Variants in NUP155 observed in about 807,000 individuals in gnomAD.
The protein encoded by NUP155 is nuclear pore complex protein Nup155.
NUP155 carries 71 observed loss-of-function variants against 180.4 expected under a neutral mutation model. The observed-to-expected ratio is 0.39, with a 90% CI of 0.33 to 0.48. The LOEUF is 0.48. Among genes scored for constraint, NUP155 ranks in the 20% least tolerant of loss-of-function variants. The probability of loss-of-function intolerance (pLI) is 0.91; values close to 1 mark genes in which losing one functional copy is unlikely to be tolerated. For missense variants in NUP155, 1,553 were observed against 1,648.9 expected (o/e 0.94, Z 1.01); for synonymous variants, 582 against 559.5 (o/e 1.04, Z -0.57).
intron 6 of NUP155, 91 bp downstream of exon 6, chr5:37,351,099 T>C (rs1043429336): frequency 2.0e-6 from 2 of 985,244 alleles, no homozygotes; most frequent in Admixed American, 4.2e-5. Flanking sequence ...AATATATTAA[T>C]GTCCTTATAT....
intron 13 of NUP155, among the ~76,000 whole-genome samples, chr5:37,332,947 C>T (rs1325403077): frequency 6.6e-6 from 1 of 150,798 alleles, no homozygotes; most frequent in African/African-American, 2.4e-5. Context: ...CAGATTAAGA[C>T]CTTGTCTAAA....
At chr5:37,331,207 A>G (rs1744939687) in intron 14 of NUP155, among the ~76,000 whole-genome samples, 1 of 151,964 alleles carries the variant, frequency 6.6e-6, no homozygotes, top group African/African-American at 2.4e-5. Context: ...TCACTACAAG[A>G]CTCATATTAA....
rs1275084501 is a variant in NUP155 at position 37,331,732 on chromosome 5, C to A, written c.1582G>T (p.Val528Leu). The change falls in exon 14 of 35, where the codon GTG becomes TTG. Residue 528 changes from valine to leucine, a missense_variant. Transcript: ENST00000231498. The stretch of plus-strand genomic sequence containing the variant: ...TCAATCTCTTCTCCATCTCCTCCCA[C>A]ATTACTCACAAGTAGATGCCTCAGT... ...DQLRHLLVSN[V>L]GGDGEEIERF... 6.2e-7 allele frequency: 1 copy of A among 1,611,212 alleles called. No individual in the cohort carries two copies. Among genetic ancestry groups the A allele is most frequent in the South Asian group, 1.1e-5 (1 of 91,036 alleles).
At position 37,333,513 on chromosome 5, in the gene NUP155, C is replaced by T. The variant is rs986689226; in HGVS notation, c.1468G>A (p.Val490Ile). The T allele has an allele frequency of 1.9e-6, 3 of 1,614,014 alleles. No homozygotes were observed. Among genetic ancestry groups the T allele is most frequent in the Non-Finnish European group, 2.5e-6 (3 of 1,179,932 alleles). The stretch of plus-strand genomic sequence containing the variant: ...TTCGGAGGTAACATGTGCTGCTGTA[C>T]AACAACTGGTGAATCAGTTATTGGA... ...HIPITDSPVVVQQHMLPPKKF... is the reference protein window; with the variant it reads ...HIPITDSPVVIQQHMLPPKKF... The change falls in exon 13 of 35, where the codon GTA becomes ATA. Residue 490 changes from valine to isoleucine, a missense_variant. Physicochemically the swap from Val to Ile is conservative, Grantham distance 29 (BLOSUM62 3). Transcript: ENST00000231498.
chr5:37,296,081 C>T (rs1426757813), intron 32 of NUP155, among the ~76,000 whole-genome samples: 4 of 150,702 alleles, frequency 2.7e-5, no homozygotes, highest in Admixed American at 1.3e-4. Flanking sequence ...CCCGGCCAGC[C>T]GCCCCGTCCG....
At chr5:37,357,092 G>A (rs1164721841) in intron 4 of NUP155, among the ~76,000 whole-genome samples, 2 of 152,080 alleles carry the variant, frequency 1.3e-5, no homozygotes, top group East Asian at 3.9e-4. Flanking sequence ...GGGCAACAGA[G>A]CGAGACTCTG....
intron 21 of NUP155, among the ~76,000 whole-genome samples, chr5:37,315,265 A>C (rs1169599120): frequency 2.0e-5 from 3 of 152,210 alleles, no homozygotes; most frequent in Non-Finnish European, 4.4e-5. Context: ...TATCACGGCC[A>C]GAAAAAGTAA....
rs547170866 is a variant in NUP155 at position 37,291,835 on chromosome 5, A to AT, written c.*64dup. On this transcript the variant is annotated 3_prime_UTR_variant, in exon 35 of 35. Coordinates refer to ENST00000231498, the MANE Select transcript of NUP155 (RefSeq NM_153485.3). ...TACATTCTTAGATTTAGAACACCTGATATCTGGACCCAGCTGAGTTTTTAT... is the reference window on the plus strand; with the variant it reads ...TACATTCTTAGATTTAGAACACCTGATTATCTGGACCCAGCTGAGTTTTTAT... 1.7e-4 allele frequency: 248 copies of AT among 1,453,258 alleles called. No homozygotes were observed. The highest frequency in any genetic ancestry group is 1.3e-4 in the Non-Finnish European group (139 of 1,035,164). 90.0% of individuals were successfully genotyped at this position (1,453,258 alleles called of 1,614,324 possible).
chr5:37,328,432 A>G lies in NUP155; in HGVS notation c.1814-12T>C. ...AGGAACAGGAGAACCTAAAAAGGGA[A>G]AGAAGAATATAAAGATTTAGAAAAG... On this transcript the variant is annotated splice_polypyrimidine_tract_variant and intron_variant, in intron 16 of 34. Coordinates refer to ENST00000231498, the MANE Select transcript of NUP155 (RefSeq NM_153485.3). The G allele has an allele frequency of 3.2e-6, 5 of 1,560,080 alleles. No individual in the cohort carries two copies. The highest frequency in any genetic ancestry group is 4.4e-6 in the Non-Finnish European group (5 of 1,131,266).
rs776021507 is a variant in NUP155, at chr5:37,302,763, G to A, written c.3447+16C>T. The A allele has an allele frequency of 2.0e-5, 32 of 1,613,272 alleles. No individual in the cohort carries two copies. Among genetic ancestry groups the A allele is most frequent in the Non-Finnish European group, 2.6e-5 (31 of 1,179,582 alleles). On this transcript the variant is annotated intron_variant, in intron 29 of 34. Coordinates refer to ENST00000231498, the MANE Select transcript of NUP155 (RefSeq NM_153485.3). Reference sequence around the variant, plus strand: ...AGTACTCAATGTGGACACAGCTTAAGATCTTTAGCACTTACCTCCATTTTT... The same window carrying A: ...AGTACTCAATGTGGACACAGCTTAAAATCTTTAGCACTTACCTCCATTTTT...
intron 21 of NUP155, among the ~76,000 whole-genome samples, chr5:37,315,219 G>A (rs1460721441): frequency 2.6e-5 from 4 of 152,108 alleles, no homozygotes; most frequent in African/African-American, 7.2e-5. Flanking sequence ...GCGAAAAAGC[G>A]AGACTCCATC....
chr5:37,368,187 G>A (rs1184947351), intron 1 of NUP155, among the ~76,000 whole-genome samples: 1 of 146,868 alleles, frequency 6.8e-6, no homozygotes, highest in Non-Finnish European at 1.5e-5. Flanking sequence ...TAGGATTACA[G>A]GCATGAGGCA....
At chr5:37,358,051 T>C (rs368453146) in intron 4 of NUP155, 30 bp downstream of exon 4, 66 of 1,487,374 alleles carry the variant, frequency 4.4e-5, no homozygotes, top group Non-Finnish European at 5.8e-5. Flanking sequence ...TATACAAACA[T>C]AATCTCTTCC....
At chr5:37,299,113 G>C in intron 31 of NUP155, 135 bp from the exon 32 acceptor site, 1 of 707,326 alleles carries the variant, frequency 1.4e-6, no homozygotes, top group South Asian at 1.6e-5. Flanking sequence ...AACAGATTTG[G>C]TGTTTCTGTT....
Position 37,325,768 on chromosome 5 carries a change from CAAAAAAAAAA to C in NUP155, c.2091+123_2091+132del, listed in dbSNP as rs58741619. 4 of 361,126 alleles carry C rather than the reference CAAAAAAAAAA, an allele frequency of 1.1e-5. No individual in the cohort carries two copies. In the African/African-American group the frequency reaches 1.2e-4, roughly 11 times the overall value. 22.4% of individuals were successfully genotyped at this position (361,126 alleles called of 1,614,324 possible). On this transcript the variant is annotated intron_variant, in intron 19 of 34. Coordinates refer to ENST00000231498, the MANE Select transcript of NUP155 (RefSeq NM_153485.3). ...TGGGAGACAGAGCAGGACTCTGTCT[CAAAAAAAAAA>C]AAAAAAAAAAAAATAACCTTTGCCA...
chr5:37,333,659 T>C (rs369536807), intron 12 of NUP155, 26 bp from the exon 13 acceptor site: 11 of 1,583,180 alleles, frequency 6.9e-6, no homozygotes, highest in Non-Finnish European at 9.5e-6. Context: ...AAATGTTTTA[T>C]ACATCATATT....
rs759024955 is a variant in NUP155 at position 37,351,356 on chromosome 5, C to T, written c.557G>A (p.Gly186Asp). 26 of 1,608,232 alleles carry T rather than the reference C, an allele frequency of 1.6e-5. No homozygotes were observed. Among genetic ancestry groups the T allele is most frequent in the Non-Finnish European group, 2.0e-5 (24 of 1,175,266 alleles). Residue 186 changes from glycine to aspartate, a missense_variant and splice_region_variant, in exon 6 of 35, where the codon GGT (glycine) becomes GAT (aspartate). By Grantham distance (94) the Gly-to-Asp change is moderately conservative (BLOSUM62 -1). Coordinates refer to ENST00000231498, the MANE Select transcript of NUP155 (RefSeq NM_153485.3). ...LGLSYANLQT[G>D]SGVLNDSLSG... is the part of the protein sequence containing the mutation. ...CAAACTATCATTAAGAACTCCAGAA[C>T]CTATTTAAGAAAGAATACATAAATC...
chr5:37,348,533 T>G lies in NUP155; in HGVS notation c.967A>C (p.Ile323Leu). 6.2e-7 allele frequency: 1 copy of G among 1,611,646 alleles called. No individual in the cohort carries two copies. Among genetic ancestry groups the G allele is most frequent in the Non-Finnish European group, 8.5e-7 (1 of 1,177,754 alleles). ...SRVASVSQNA[I>L]VSAAGNIART... Reference sequence around the variant, plus strand: ...GCAATGTTACCAGCAGCAGAGACAATGGCATTCTGTGACACAGAGGCAACT... The same window carrying G: ...GCAATGTTACCAGCAGCAGAGACAAGGGCATTCTGTGACACAGAGGCAACT... The change falls in exon 9 of 35, where the codon ATT (isoleucine) becomes CTT (leucine). Residue 323 changes from isoleucine to leucine, a missense_variant. Coordinates refer to ENST00000231498, the MANE Select transcript of NUP155 (RefSeq NM_153485.3).
At chr5:37,370,546 G>A (rs760956307) in intron 1 of NUP155, 2 of 852,814 alleles carry the variant, frequency 2.3e-6, no homozygotes, top group Non-Finnish European at 3.4e-6. Flanking sequence ...AAGCACTTGA[G>A]AGCGGCGAGA....
Sources: gnomAD v4.1 joint callset for allele counts (sites outside exome capture counted in the v4.1 genomes callset) on GRCh38, gnomAD v4.1.1 for gene constraint, MANE v1.5 for transcripts, NCBI Gene and HGNC (gene_info 2026-07-23, HGNC 2026-07-21) for gene names.